Variants in PHACTR1 observed in about 807,000 individuals in gnomAD.
PHACTR1 encodes the protein RPEL repeat containing 1.
In PHACTR1, 16 loss-of-function variants were observed where a neutral mutation model predicts 69.2. The ratio of observed to expected loss-of-function variants is 0.23; its 90% CI spans 0.16 to 0.35. The LOEUF (loss-of-function observed/expected upper bound fraction) is 0.35. Among genes scored for constraint, PHACTR1 ranks in the 10% least tolerant of loss-of-function variants. The pLI is 1.00. For synonymous variants in PHACTR1, 312 were observed against 284.5 expected, an observed-to-expected ratio of 1.10 and a Z score of -0.97; for missense variants, 510 against 734.7, an observed-to-expected ratio of 0.69 and a Z score of 3.54.
chr6:13,189,028 G>T (rs1004824926), intron 7 of PHACTR1, among the ~76,000 whole-genome samples: 2 of 152,188 alleles, frequency 1.3e-5, no homozygotes, highest in Admixed American at 1.3e-4. Context: ...TGGCATTCTG[G>T]CTCCAGAAGT....
At chr6:12,949,243 T>G (rs1164144711) in intron 4 of PHACTR1, among the ~76,000 whole-genome samples, 1 of 127,190 alleles carries the variant, frequency 7.9e-6, no homozygotes, top group Non-Finnish European at 1.6e-5. Context: ...CACTGCAGCC[T>G]GGGCAACAAG....
intron 6 of PHACTR1, among the ~76,000 whole-genome samples, 198 bp from the exon 7 acceptor site, chr6:13,182,321 T>C (rs1475066883): frequency 6.6e-6 from 1 of 152,176 alleles, no homozygotes; most frequent in Non-Finnish European, 1.5e-5. Context: ...CTGAAGATCA[T>C]TGGAAATTTT....
intron 4 of PHACTR1, among the ~76,000 whole-genome samples, chr6:12,865,359 T>G (rs1443685918): frequency 6.6e-6 from 1 of 152,222 alleles, no homozygotes; most frequent in African/African-American, 2.4e-5. Flanking sequence ...TCAATACTGA[T>G]GCACTAATTT....
intron 4 of PHACTR1, among the ~76,000 whole-genome samples, chr6:12,791,281 G>T (rs1772239271): frequency 6.6e-6 from 1 of 152,178 alleles, no homozygotes; most frequent in African/African-American, 2.4e-5. Context: ...TCAACCTTCA[G>T]CCTTCTCATC....
intron 4 of PHACTR1, among the ~76,000 whole-genome samples, chr6:13,051,164 C>T: frequency 6.6e-6 from 1 of 151,314 alleles, no homozygotes; most frequent in East Asian, 1.9e-4. Context: ...CCAGGTTCCA[C>T]TCATTATTTT....
At chr6:12,830,929 A>G (rs1376406629) in intron 4 of PHACTR1, among the ~76,000 whole-genome samples, 5 of 152,106 alleles carry the variant, frequency 3.3e-5, no homozygotes, top group Non-Finnish European at 4.4e-5. Context: ...AAAAATGTTT[A>G]TGGATTTAGG....
chr6:13,095,634 C>T (rs1437548677), intron 5 of PHACTR1, among the ~76,000 whole-genome samples: 4 of 151,072 alleles, frequency 2.6e-5, no homozygotes, highest in Non-Finnish European at 4.4e-5. Context: ...GCTGGAAGGT[C>T]GTACAAAGAT....
rs73726207 is a variant in PHACTR1, at chr6:12,881,071, C to T, written c.250+131281C>T. ...AGTCTGGGCGAAGGTGTGTAAAGTA[C>T]GAAGCACAGTGCCAGGAATAGCGTA... On this transcript the variant is annotated intron_variant, in intron 4 of 14. Transcript: ENST00000332995. 9.0e-3 allele frequency among the ~76,000 whole-genome samples: 1,364 copies of T among 152,262 alleles called. 21 individuals are homozygous for T. The highest frequency in any genetic ancestry group is 0.03 in the African/African-American group (1,261 of 41,540).
chr6:12,724,509 T>C (rs1199847474), intron 3 of PHACTR1, among the ~76,000 whole-genome samples: 1 of 152,162 alleles, frequency 6.6e-6, no homozygotes, highest in Non-Finnish European at 1.5e-5. Context: ...GGCTGTACAT[T>C]TAGACAACAG....
At chr6:13,073,585 G>A (rs1809906846) in intron 5 of PHACTR1, among the ~76,000 whole-genome samples, 1 of 151,554 alleles carries the variant, frequency 6.6e-6, no homozygotes, top group Admixed American at 6.6e-5. Context: ...CTTGTGATCT[G>A]CCCGCTTCAG....
At chr6:13,258,727 T>C in intron 10 of PHACTR1, among the ~76,000 whole-genome samples, 1 of 152,238 alleles carries the variant, frequency 6.6e-6, no homozygotes, top group East Asian at 1.9e-4. Flanking sequence ...AAATGCTTTG[T>C]GCTCCTAGAA....
chr6:13,025,671 TTGTGTG>T (rs60800778), intron 4 of PHACTR1, among the ~76,000 whole-genome samples: 149 of 140,316 alleles, frequency 1.1e-3, no homozygotes, highest in African/African-American at 1.6e-3. Context: ...CATATATTAT[TTGTGTG>T]TGTGTGTGTG....
chr6:13,145,646 C>T (rs1178672193), intron 5 of PHACTR1, among the ~76,000 whole-genome samples: 3 of 152,186 alleles, frequency 2.0e-5, no homozygotes, highest in Non-Finnish European at 2.9e-5. Flanking sequence ...ATAGAATTAA[C>T]GTCCTTGCAA....
At chr6:13,189,501 T>C (rs931452750) in intron 7 of PHACTR1, among the ~76,000 whole-genome samples, 1 of 151,510 alleles carries the variant, frequency 6.6e-6, no homozygotes, top group African/African-American at 2.4e-5. Context: ...CAGGCACAAG[T>C]GATCCTCCTA....
intron 5 of PHACTR1, among the ~76,000 whole-genome samples, chr6:13,133,992 G>A (rs59859761): frequency 0.055 from 8,352 of 151,244 alleles, 548 homozygotes; most frequent in African/African-American, 0.16. Flanking sequence ...CCGCGACTCC[G>A]TCTGGGAACT....
intron 10 of PHACTR1, among the ~76,000 whole-genome samples, chr6:13,255,080 A>G (rs12527600): frequency 0.16 from 23,602 of 152,140 alleles, 2,430 homozygotes; most frequent in Admixed American, 0.26. Flanking sequence ...TGCGCAGGAA[A>G]CATAGCGGCT....
chr6:13,078,286 C>T (rs563452318), intron 5 of PHACTR1, among the ~76,000 whole-genome samples: 1 of 152,270 alleles, frequency 6.6e-6, no homozygotes, highest in East Asian at 1.9e-4. Context: ...CTGCCTTCGG[C>T]TTCACATGGC....
chr6:12,898,069 CGGGGCAGCATTTAGCACTG>C lies in PHACTR1; in HGVS notation c.250+148280_250+148298del, dbSNP rs1561991171. Reference sequence around the variant, plus strand: ...TGATATCTTTATTCTACTGAACTTCCGGGGCAGCATTTAGCACTGTGGACCACTGTCTCCTTGAATCACT... The same window carrying C: ...TGATATCTTTATTCTACTGAACTTCCTGGACCACTGTCTCCTTGAATCACT... On this transcript the variant is annotated intron_variant, in intron 4 of 14. Coordinates refer to ENST00000332995, the MANE Select transcript of PHACTR1 (RefSeq NM_030948.6). Among the ~76,000 whole-genome samples, 3 of 152,112 alleles carry C rather than the reference CGGGGCAGCATTTAGCACTG, an allele frequency of 2.0e-5. No homozygotes were observed. The East Asian group carries it at 5.8e-4, about 29-fold the overall frequency.
At chr6:12,914,764 G>A (rs1322041341) in intron 4 of PHACTR1, among the ~76,000 whole-genome samples, 3 of 152,148 alleles carry the variant, frequency 2.0e-5, no homozygotes, top group Admixed American at 1.3e-4. Context: ...TGACAGTGGA[G>A]TAACTATAAA....
Sources: gnomAD v4.1 joint callset for allele counts (sites outside exome capture counted in the v4.1 genomes callset) on GRCh38, gnomAD v4.1.1 for gene constraint, MANE v1.5 for transcripts, NCBI Gene and HGNC (gene_info 2026-07-23, HGNC 2026-07-21) for gene names.